Variants in PRKN observed in about 807,000 individuals in gnomAD.
PRKN encodes parkin RBR E3 ubiquitin protein ligase.
A neutral mutation model predicts 59.5 loss-of-function variants in PRKN; 56 were observed. The ratio of observed to expected loss-of-function variants is 0.94; its 90% confidence interval spans 0.76 to 1.18. The LOEUF (loss-of-function observed/expected upper bound fraction) is 1.18. PRKN is among the 50% of genes most tolerant of loss of function. PRKN has a pLI of 0.00. For missense variants in PRKN, 657 were observed against 596.4 expected, an observed-to-expected ratio of 1.10 and a Z score of -1.06; for synonymous variants, 250 against 222.1, an observed-to-expected ratio of 1.13 and a Z score of -1.12.
chr6:162,586,615 C>T (rs1781070348), intron 1 of PRKN, among the ~76,000 whole-genome samples: 1 of 152,164 alleles, frequency 6.6e-6, no homozygotes, highest in Non-Finnish European at 1.5e-5. Flanking sequence ...TTGAAATCTA[C>T]CACGAGGGGC....
chr6:162,620,398 T>G (rs1416637285), intron 1 of PRKN, among the ~76,000 whole-genome samples: 1 of 148,960 alleles, frequency 6.7e-6, no homozygotes, highest in Non-Finnish European at 1.5e-5. Context: ...CTCCAATGCT[T>G]TGTGTAAAAT....
chr6:162,261,936 C>T (rs1779904981), intron 3 of PRKN, among the ~76,000 whole-genome samples: 1 of 152,122 alleles, frequency 6.6e-6, no homozygotes, highest in Non-Finnish European at 1.5e-5. Flanking sequence ...CCACAACTGC[C>T]AGGATCTATT....
chr6:162,724,962 T>C (rs1195155040), intron 1 of PRKN, among the ~76,000 whole-genome samples: 2 of 152,250 alleles, frequency 1.3e-5, no homozygotes, highest in South Asian at 2.1e-4. Context: ...TGCTTGGCAA[T>C]GGTCATCTGC....
At chr6:162,320,387 AAGCATTTTAAGATCAAACAAGC>A in intron 2 of PRKN, among the ~76,000 whole-genome samples, 34 of 128,720 alleles carry the variant, frequency 2.6e-4, no homozygotes, top group East Asian at 8.9e-4. Context: ...AAAAAAAACC[AAGCATTTTAAGATCAAACAAGC>A]AAAAAAAACC....
Position 161,473,950 on chromosome 6 carries a change from T to C in PRKN, c.1083+74904A>G, listed in dbSNP as rs1790928309. 6.6e-6 allele frequency among the ~76,000 whole-genome samples: 1 copy of C among 152,176 alleles called. No homozygotes were observed. The highest frequency in any genetic ancestry group is 6.5e-5 in the Admixed American group (1 of 15,278). On this transcript the variant is annotated intron_variant, in intron 9 of 11. Transcript: ENST00000366898. This position sits in a 1 kb window ranked among gnomAD's most constrained non-coding sequence, Gnocchi z 4.1. ...TGTGTATGTAGACTAGCGGGTTTTC[T>C]AATATCAAATTTTATGCTTGTGGAA...
rs1174394484 is a variant in PRKN at position 162,011,369 on chromosome 6, TA to T, written c.619-37953del. On this transcript the variant is annotated intron_variant, in intron 5 of 11. Transcript: ENST00000366898. ...TTATAATATATATTTATAATATATA[TA>T]ATATATTATATATTTATAATATATA... is the stretch of plus-strand genomic sequence containing the variant. Among the ~76,000 whole-genome samples the T allele has an allele frequency of 1.4e-4, 2 of 14,314 alleles. 1 individual carries two copies. Among genetic ancestry groups the T allele is most frequent in the East Asian group, 4.7e-3 (2 of 422 alleles). The allele number at this position is 14,314 out of a possible 152,430, so 9.4% of individuals were successfully genotyped here.
chr6:161,535,380 T>C (rs1364036576), intron 9 of PRKN, among the ~76,000 whole-genome samples: 1 of 152,210 alleles, frequency 6.6e-6, no homozygotes, highest in East Asian at 1.9e-4. Flanking sequence ...AGTAGTTTCA[T>C]GCCAGAAGAC....
chr6:162,694,410 G>A (rs762413539), intron 1 of PRKN, among the ~76,000 whole-genome samples: 14 of 152,142 alleles, frequency 9.2e-5, no homozygotes, highest in Non-Finnish European at 1.8e-4. Flanking sequence ...AGCTAAATAT[G>A]AGGAGTAGCA....
intron 2 of PRKN, among the ~76,000 whole-genome samples, chr6:162,421,919 A>C (rs79940882): frequency 0.031 from 4,741 of 152,318 alleles, 270 homozygotes; most frequent in African/African-American, 0.11. Flanking sequence ...AAAATAATTT[A>C]TCTAAATAAG....
chr6:162,393,155 C>CGTTTTTTTTTTTTTTTTTTTTTTTTTT (rs1787289654), intron 2 of PRKN, among the ~76,000 whole-genome samples: 1 of 80,190 alleles, frequency 1.2e-5, no homozygotes, highest in Non-Finnish European at 2.3e-5. Flanking sequence ...ATAGGAGATT[C>CGTTTTTTTTTTTTTTTTTTTTTTTTTT]TTTTTTTTTT....
At chr6:162,380,979 A>G (rs1786452531) in intron 2 of PRKN, among the ~76,000 whole-genome samples, 1 of 152,126 alleles carries the variant, frequency 6.6e-6, no homozygotes, top group African/African-American at 2.4e-5. Context: ...GGTCCAGATA[A>G]GGAAAACCGC....
chr6:162,380,011 C>G (rs1786340882), intron 2 of PRKN, among the ~76,000 whole-genome samples: 1 of 152,038 alleles, frequency 6.6e-6, no homozygotes, highest in South Asian at 2.1e-4. Context: ...ATACAGCTGT[C>G]AAAACAATTC....
chr6:162,366,420 TATTA>T (rs1785441437), intron 2 of PRKN, among the ~76,000 whole-genome samples: 5 of 152,324 alleles, frequency 3.3e-5, no homozygotes, highest in Middle Eastern at 3.4e-3. Context: ...TTTTAAAATG[TATTA>T]ATTGTCTTTT....
At chr6:162,010,352 T>C (rs1343338216) in intron 5 of PRKN, among the ~76,000 whole-genome samples, 1 of 119,534 alleles carries the variant, frequency 8.4e-6, no homozygotes, top group Non-Finnish European at 1.6e-5. Context: ...ATAATATACA[T>C]TTATTATATG....
intron 1 of PRKN, chr6:162,568,876 T>C: frequency 1.4e-6 from 1 of 703,456 alleles, no homozygotes; most frequent in South Asian, 1.5e-5. Flanking sequence ...TGTACAGAGA[T>C]GGAGAATGAA....
chr6:161,844,731 G>A (rs1793128123), intron 6 of PRKN, among the ~76,000 whole-genome samples: 1 of 152,228 alleles, frequency 6.6e-6, no homozygotes, highest in Non-Finnish European at 1.5e-5. Flanking sequence ...AAATGTCAAT[G>A]CAAAACAGAA....
intron 5 of PRKN, among the ~76,000 whole-genome samples, chr6:161,974,057 A>C (rs1344286327): frequency 1.3e-5 from 2 of 152,232 alleles, no homozygotes; most frequent in Non-Finnish European, 2.9e-5. Flanking sequence ...ACCTGGGGTC[A>C]GGAGTTCGAG....
At chr6:161,843,246 C>T (rs1443741443) in intron 6 of PRKN, among the ~76,000 whole-genome samples, 2 of 152,124 alleles carry the variant, frequency 1.3e-5, no homozygotes, top group African/African-American at 4.8e-5. Context: ...GAATAACAGC[C>T]CCTCATGAGT....
intron 2 of PRKN, among the ~76,000 whole-genome samples, chr6:162,419,011 G>A (rs897519249): frequency 2.0e-5 from 3 of 151,886 alleles, no homozygotes; most frequent in South Asian, 2.1e-4. Flanking sequence ...GCAAGGCAAA[G>A]AACCAGAGAC....
Sources: gnomAD v4.1 joint callset for allele counts (sites outside exome capture counted in the v4.1 genomes callset) on GRCh38, gnomAD v4.1.1 for gene constraint, Gnocchi (gnomAD v3.1) non-coding constraint, MANE v1.5 for transcripts, NCBI Gene and HGNC (gene_info 2026-07-23, HGNC 2026-07-21) for gene names.